The following NLRP11 variants were observed in gnomAD, a reference collection of about 807,000 sequenced individuals.
NLRP11 encodes the protein NACHT, LRR and PYD domains-containing protein 11.
NLRP11 carries 53 observed loss-of-function variants against 79.3 expected under a neutral mutation model. The observed-to-expected ratio is 0.67, with a 90% CI of 0.54 to 0.84. NLRP11 has a LOEUF of 0.84. Ranked by LOEUF, NLRP11 falls within the 40% of genes least tolerant of loss-of-function variation. The pLI is 0.00. For missense variants in NLRP11, 1,264 were observed against 1,255.0 expected, an observed-to-expected ratio of 1.01 and a Z score of -0.11; for synonymous variants, 518 against 462.6, an observed-to-expected ratio of 1.12 and a Z score of -1.54.
intron 2 of NLRP11, among the ~76,000 whole-genome samples, chr19:55,814,875 G>C (rs1032540629): frequency 6.6e-6 from 1 of 152,182 alleles, no homozygotes; most frequent in East Asian, 1.9e-4. Context: ...GCCCAGGACT[G>C]GCACACGGCC....
At chr19:55,796,739 T>A (rs374527390) in intron 5 of NLRP11, among the ~76,000 whole-genome samples, 4 of 151,256 alleles carry the variant, frequency 2.6e-5, no homozygotes, top group Admixed American at 1.3e-4. Flanking sequence ...CAGGCTGGAG[T>A]GCAATGGTGC....
At chr19:55,787,339 G>A (rs946961850) in intron 9 of NLRP11, among the ~76,000 whole-genome samples, 2 of 152,122 alleles carry the variant, frequency 1.3e-5, no homozygotes, top group Non-Finnish European at 2.9e-5. Flanking sequence ...AGCAAGACCT[G>A]TGATTTGCTT....
chr19:55,830,768 C>T (rs74983933), intron 1 of NLRP11, among the ~76,000 whole-genome samples: 14,741 of 103,344 alleles, frequency 0.14, 1,037 homozygotes, highest in African/African-American at 0.41. Context: ...TATAAGGTGC[C>T]AACTGAACTA....
chr19:55,831,096 C>CCCCCCCCCCCCATCCCCCCCACCCCCCTG (rs1982723841), intron 1 of NLRP11, among the ~76,000 whole-genome samples: 1 of 3,806 alleles, frequency 2.6e-4, no homozygotes, highest in African/African-American at 1.4e-3. Flanking sequence ...AGACCCACCG[C>CCCCCCCCCCCCATCCCCCCCACCCCCCTG]CCCACCCCCC....
At chr19:55,808,776 T>C in exon 3 of NLRP11, 1 of 1,605,244 alleles carries the variant, frequency 6.2e-7, no homozygotes, top group African/African-American at 1.3e-5. Flanking sequence ...CACCTAGCAG[T>C]TGGCCTTATA....
At chr19:55,789,239 C>A (rs780891099) in exon 8 of NLRP11, 4 of 1,610,740 alleles carry the variant, frequency 2.5e-6, no homozygotes, top group East Asian at 2.2e-5. Context: ...CCAATATTCA[C>A]CAACATGCAG....
chr19:55,800,201 A>G (rs1320390864), intron 5 of NLRP11, among the ~76,000 whole-genome samples: 2 of 152,222 alleles, frequency 1.3e-5, no homozygotes, highest in African/African-American at 2.4e-5. Context: ...GTATTATCCA[A>G]TATTGAGTCA....
chr19:55,822,841 C>T (rs1192254519), intron 1 of NLRP11, among the ~76,000 whole-genome samples: 2 of 152,252 alleles, frequency 1.3e-5, no homozygotes, highest in African/African-American at 4.8e-5. Context: ...GGGGGAGGGG[C>T]GCCCGCCATT....
At chr19:55,814,475 C>A (rs991376363) in intron 2 of NLRP11, among the ~76,000 whole-genome samples, 1 of 152,066 alleles carries the variant, frequency 6.6e-6, no homozygotes, top group African/African-American at 2.4e-5. Context: ...GGTGCGGGAC[C>A]ACTGCTTTAC....
In NLRP11 at chr19:55,810,060, C is replaced by T. The variant is rs757629477; in HGVS notation, c.550G>A (p.Val184Ile). 8 of 1,613,968 alleles carry T rather than the reference C, an allele frequency of 5.0e-6. No individual in the cohort carries two copies. The highest frequency in any genetic ancestry group is 4.5e-5 in the East Asian group (2 of 44,888). ...TTTATTTCGTGAGCAGTGAGGTGAA[C>T]GACGTACGAGATCATGTTCTGCCAC... Residue 184 changes from valine (V) to isoleucine (I), a missense_variant, in exon 3 of 10, where the codon GTT (valine) becomes ATT (isoleucine). Physicochemically the swap from Val to Ile is conservative, Grantham distance 29. Coordinates refer to ENST00000589093, the Ensembl canonical transcript of NLRP11.
In NLRP11 at chr19:55,809,474, GTCAAC is replaced by G; in HGVS notation, c.1131_1135del (p.Leu378IlefsTer36). 6.2e-7 allele frequency: 1 copy of G among 1,614,158 alleles called. No homozygotes were observed. The highest frequency in any genetic ancestry group is 1.1e-5 in the South Asian group (1 of 91,086). ...ATTGGCAGTAAGTCCAGCCTCTGAT[GTCAAC>G]GCATCAGCAAGAAAGTGGGCATGTA... is the stretch of plus-strand genomic sequence containing the variant. On this transcript the variant is annotated frameshift_variant, in exon 3 of 10. Transcript: ENST00000589093. LOFTEE classifies it high-confidence loss of function. The surrounding 1 kb of genome is among the most constrained non-coding windows in gnomAD (Gnocchi z 4.5).
upstream of NLRP11, chr19:55,832,718 T>A (rs1470814808): frequency 2.0e-5 from 3 of 152,222 alleles, no homozygotes; most frequent in African/African-American, 7.2e-5. Context: ...TTTAGATGTA[T>A]CTTTGTAAGT....
rs12461110 is a variant in NLRP11, at chr19:55,809,297, G to A, written c.1313C>T (p.Pro438Leu). 0.34 allele frequency: 541,496 copies of A among 1,613,138 alleles called. 94,623 individuals carry two copies. The highest frequency in any genetic ancestry group is 0.37 in the Admixed American group (22,139 of 59,970). Residue 438 changes from proline (P) to leucine (L), a missense_variant, in exon 3 of 10, where the codon CCG (proline) becomes CTG (leucine). Transcript: ENST00000589093. The surrounding 1 kb of genome is among the most constrained non-coding windows in gnomAD (Gnocchi z 4.5). ...GTAACGGTCTTTATGAGTGTTGCTC[G>A]GCAAAAGAATATTCGCGGCCTGCAA...
chr19:55,816,441 C>T (rs1981120652), intron 2 of NLRP11, among the ~76,000 whole-genome samples: 1 of 152,178 alleles, frequency 6.6e-6, no homozygotes, highest in Non-Finnish European at 1.5e-5. Flanking sequence ...TTCAACATCC[C>T]ATTTTAGTGT....
intron 4 of NLRP11, among the ~76,000 whole-genome samples, 160 bp from the exon 5 acceptor site, chr19:55,801,899 T>G (rs1979518003): frequency 6.6e-6 from 1 of 152,198 alleles, no homozygotes; most frequent in South Asian, 2.1e-4. Flanking sequence ...GTCAGAAGAC[T>G]ATTGCTAATT....
intron 2 of NLRP11, 84 bp downstream of exon 2, chr19:55,817,820 G>GGA (rs1555803816): frequency 0.036 from 29,655 of 833,602 alleles, 1,071 homozygotes; most frequent in African/African-American, 0.19. Flanking sequence ...AACCTATTTA[G>GGA]AAAAAAAAAA....
chr19:55,815,700 T>C (rs536152085), intron 2 of NLRP11, among the ~76,000 whole-genome samples: 148 of 152,230 alleles, frequency 9.7e-4, no homozygotes, highest in African/African-American at 3.3e-3. Flanking sequence ...CATTTGTGTA[T>C]AAAGACATGC....
chr19:55,808,153 G>T (rs1222962665), intron 3 of NLRP11, 139 bp from the exon 4 acceptor site: 8 of 565,214 alleles, frequency 1.4e-5, no homozygotes, highest in Non-Finnish European at 2.2e-5. Context: ...AATAAAGTAG[G>T]GTCAAACATG....
At chr19:55,810,032 T>G (rs370554881) in exon 3 of NLRP11, 1 of 1,614,074 alleles carries the variant, frequency 6.2e-7, no homozygotes, top group Non-Finnish European at 8.5e-7. Flanking sequence ...GTTGGTCATC[T>G]GGTTTATTTC....
Sources: allele counts gnomAD v4.1 joint callset (sites outside exome capture counted in the v4.1 genomes callset), GRCh38; gene constraint gnomAD v4.1.1; non-coding constraint Gnocchi (gnomAD v3.1); transcripts MANE v1.5; gene names NCBI Gene and HGNC (gene_info 2026-07-23, HGNC 2026-07-21).